Variants in SLC25A26 observed in about 807,000 individuals in gnomAD.
SLC25A26 encodes mitochondrial S-adenosylmethionine carrier protein.
A neutral mutation model predicts 37.8 loss-of-function variants in SLC25A26; 36 were observed. The observed-to-expected ratio is 0.95, with a 90% confidence interval of 0.73 to 1.26. The LOEUF is 1.26. SLC25A26 is among the 50% of genes most tolerant of loss of function. SLC25A26 has a pLI of 0.00. For synonymous variants in SLC25A26, 129 were observed against 122.5 expected (o/e 1.05, Z -0.35); for missense variants, 390 against 331.1 (o/e 1.18, Z -1.38).
chr3:66,347,834 A>G (rs2076361192), intron 6 of SLC25A26, among the ~76,000 whole-genome samples: 2 of 152,318 alleles, frequency 1.3e-5, no homozygotes, highest in African/African-American at 4.8e-5. Context: ...AGGGACATGG[A>G]TGGAGCTGGA....
intron 5 of SLC25A26, among the ~76,000 whole-genome samples, chr3:66,265,112 A>G (rs1179265074): frequency 6.6e-6 from 1 of 152,096 alleles, no homozygotes; most frequent in Non-Finnish European, 1.5e-5. Flanking sequence ...TAGGAGTTCA[A>G]GACCAGCCTG....
intron 1 of SLC25A26, among the ~76,000 whole-genome samples, chr3:66,209,792 TAC>T (rs1164093754): frequency 1.5e-5 from 2 of 134,618 alleles, no homozygotes; most frequent in Non-Finnish European, 3.2e-5. Context: ...TATATATATA[TAC>T]ACACCTATAT....
chr3:66,176,944 T>C (rs147368747), intron 1 of SLC25A26, among the ~76,000 whole-genome samples: 1,770 of 152,310 alleles, frequency 0.012, 40 homozygotes, highest in African/African-American at 0.04. Context: ...ATTAAGCCTG[T>C]TATCCTGATG....
At chr3:66,353,192 C>T (rs1040857509) in intron 6 of SLC25A26, among the ~76,000 whole-genome samples, 1 of 152,122 alleles carries the variant, frequency 6.6e-6, no homozygotes, top group Non-Finnish European at 1.5e-5. Context: ...CTGTGTGCTG[C>T]GTAGCAGACA....
chr3:66,349,034 G>A (rs900247491), intron 6 of SLC25A26, among the ~76,000 whole-genome samples: 2 of 152,130 alleles, frequency 1.3e-5, no homozygotes, highest in Non-Finnish European at 2.9e-5. Flanking sequence ...ACATCCTTAT[G>A]CCCTAATTCT....
chr3:66,370,455 G>A (rs561549430), intron 8 of SLC25A26, 74 bp from the exon 9 acceptor site: 2 of 1,185,924 alleles, frequency 1.7e-6, no homozygotes, highest in South Asian at 1.3e-5. Flanking sequence ...CTGTGTGTCT[G>A]AGGATATCTG....
At chr3:66,355,817 T>C (rs1394937150) in intron 6 of SLC25A26, among the ~76,000 whole-genome samples, 1 of 152,226 alleles carries the variant, frequency 6.6e-6, no homozygotes. Flanking sequence ...TAATCTGTTA[T>C]AAACTTCTGG....
rs1225270509 is a variant in SLC25A26 at position 66,160,507 on chromosome 3, G to C, written c.-354+26523G>C. 3.3e-5 allele frequency among the ~76,000 whole-genome samples: 5 copies of C among 152,126 alleles called. No individual in the cohort carries two copies. In the East Asian group the frequency reaches 5.8e-4, roughly 18 times the overall value. ...AAAGTCAGATGTGAATGTGTGAAGG[G>C]GATGCATCTATTCCCAATACACCTG... On this transcript the variant is annotated intron_variant, in intron 1 of 10. Coordinates refer to the SLC25A26 transcript ENST00000676754.
chr3:66,137,283 C>T (rs990317871), intron 1 of SLC25A26, among the ~76,000 whole-genome samples: 5 of 148,074 alleles, frequency 3.4e-5, no homozygotes, highest in African/African-American at 1.0e-4. Flanking sequence ...TGCAATGGCG[C>T]GATCTCAAAC....
chr3:66,378,038 A>C lies in SLC25A26; in HGVS notation c.*231A>C. 1 of 447,902 alleles carries C rather than the reference A, an allele frequency of 2.2e-6. No individual in the cohort carries two copies. Among genetic ancestry groups the C allele is most frequent in the East Asian group, 3.3e-5 (1 of 30,498 alleles). 27.7% of individuals were successfully genotyped at this position (447,902 alleles called of 1,614,324 possible). On this transcript the variant is annotated 3_prime_UTR_variant, in exon 10 of 10. Transcript: ENST00000354883. ...CGGGGTCTGTGGCGGTACTCTGAAC[A>C]ATTTCCTCAGAACCTCTTAATAAAT...
chr3:66,344,654 C>T (rs1178101702), intron 5 of SLC25A26, among the ~76,000 whole-genome samples: 5 of 152,196 alleles, frequency 3.3e-5, no homozygotes, highest in Non-Finnish European at 2.9e-5. Context: ...TGTGCGTGTT[C>T]GTGGGCATCG....
chr3:66,140,644 G>A (rs1339630101), intron 1 of SLC25A26, among the ~76,000 whole-genome samples: 2 of 152,136 alleles, frequency 1.3e-5, no homozygotes, highest in Non-Finnish European at 2.9e-5. Context: ...TAGCAGGCAG[G>A]ACTAGCAAAT....
At chr3:66,161,297 G>A (rs2070354668) in intron 1 of SLC25A26, among the ~76,000 whole-genome samples, 1 of 152,168 alleles carries the variant, frequency 6.6e-6, no homozygotes, top group South Asian at 2.1e-4. Context: ...GATCTGGGCT[G>A]TAGCAGGAGA....
chr3:66,198,711 A>T (rs2071075993), intron 1 of SLC25A26, among the ~76,000 whole-genome samples: 1 of 150,676 alleles, frequency 6.6e-6, no homozygotes, highest in African/African-American at 2.4e-5. Context: ...CCGCATCTTC[A>T]CCTTAACCTT....
chr3:66,350,098 G>T (rs2107754736), intron 6 of SLC25A26, among the ~76,000 whole-genome samples: 1 of 152,256 alleles, frequency 6.6e-6, no homozygotes, highest in Middle Eastern at 3.4e-3. Flanking sequence ...ACTTGAGTTT[G>T]CAGCTATAGA....
intron 1 of SLC25A26, among the ~76,000 whole-genome samples, chr3:66,176,967 C>T (rs1430409856): frequency 6.6e-6 from 1 of 152,186 alleles, no homozygotes; most frequent in Non-Finnish European, 1.5e-5. Flanking sequence ...AAATAACCTT[C>T]GTAGGTCTTT....
chr3:66,219,856 A>G (rs1446542230), upstream of SLC25A26, among the ~76,000 whole-genome samples: 1 of 152,228 alleles, frequency 6.6e-6, no homozygotes, highest in Non-Finnish European at 1.5e-5. Context: ...GTACCGCATG[A>G]CAAAGTGACT....
At chr3:66,337,646 T>A (rs2076120683) in intron 5 of SLC25A26, among the ~76,000 whole-genome samples, 1 of 152,102 alleles carries the variant, frequency 6.6e-6, no homozygotes, top group African/African-American at 2.4e-5. Flanking sequence ...TATTCCAAAT[T>A]GTTAATGACA....
Position 66,370,587 on chromosome 3 carries a change from C to T in SLC25A26, c.692C>T (p.Ser231Leu), listed in dbSNP as rs771331181. Residue 231 changes from serine (S) to leucine (L), a missense_variant, in exon 9 of 10, where the codon TCA becomes TTA. Coordinates refer to ENST00000354883, the MANE Select transcript of SLC25A26 (RefSeq NM_001379210.1). ...TCTGTCCTGCATGGGGTCTGGCGGT[C>T]ACAGGGGCTGGCAGGGTAAGACGAG... ...VLSVLHGVWR[S>L]QGLAGLFAGV... The T allele has an allele frequency of 6.2e-7, 1 of 1,613,784 alleles. No individual in the cohort carries two copies. Among genetic ancestry groups the T allele is most frequent in the Non-Finnish European group, 8.5e-7 (1 of 1,179,796 alleles).
Sources: gnomAD v4.1 joint callset for allele counts (sites outside exome capture counted in the v4.1 genomes callset) on GRCh38, gnomAD v4.1.1 for gene constraint, MANE v1.5 for transcripts, NCBI Gene and HGNC (gene_info 2026-07-23, HGNC 2026-07-21) for gene names.